The following PARD3B variants were observed in gnomAD, a reference collection of about 807,000 sequenced individuals.
The protein encoded by PARD3B is par-3 family cell polarity regulator beta.
PARD3B carries 103 observed loss-of-function variants against 130.2 expected under a neutral mutation model. The observed-to-expected ratio is 0.79, with a 90% CI of 0.67 to 0.93. The LOEUF is 0.93. Ranked by LOEUF, PARD3B falls within the 40% of genes least tolerant of loss-of-function variation. PARD3B has a pLI of 0.00. For synonymous variants in PARD3B, 583 were observed against 553.2 expected (o/e 1.05, Z -0.76); for missense variants, 1,609 against 1,499.2 (o/e 1.07, Z -1.21).
intron 21 of PARD3B, among the ~76,000 whole-genome samples, chr2:205,542,848 T>C (rs1483895365): frequency 6.6e-6 from 1 of 152,202 alleles, no homozygotes; most frequent in Non-Finnish European, 1.5e-5. Flanking sequence ...ATAGTTTATT[T>C]TTTATTTTGT....
At chr2:204,809,202 A>C (rs1263949653) in intron 2 of PARD3B, among the ~76,000 whole-genome samples, 1 of 152,124 alleles carries the variant, frequency 6.6e-6, no homozygotes, top group African/African-American at 2.4e-5. Flanking sequence ...ATAGTTTGAA[A>C]AAATTTTCTC....
intron 1 of PARD3B, among the ~76,000 whole-genome samples, chr2:204,662,397 ACTTT>A (rs1281527884): frequency 6.6e-6 from 1 of 152,200 alleles, no homozygotes; most frequent in Non-Finnish European, 1.5e-5. Context: ...TAATGGGCTT[ACTTT>A]ATATATTTTC....
At chr2:205,272,326 TC>T (rs2040761961) in intron 16 of PARD3B, among the ~76,000 whole-genome samples, 1 of 152,190 alleles carries the variant, frequency 6.6e-6, no homozygotes, top group Non-Finnish European at 1.5e-5. Context: ...AGATCACCTG[TC>T]CCCTCGTTTC....
intron 20 of PARD3B, 130 bp from the exon 21 acceptor site, chr2:205,499,765 TC>T: frequency 9.2e-7 from 1 of 1,082,516 alleles, no homozygotes; most frequent in Non-Finnish European, 1.3e-6. Context: ...TTCACCATTT[TC>T]CTGGCATATT....
intron 3 of PARD3B, among the ~76,000 whole-genome samples, chr2:204,988,245 A>C (rs1693347367): frequency 6.6e-6 from 1 of 152,216 alleles, no homozygotes. Flanking sequence ...TCCTACATGA[A>C]GAATAAATGG....
At chr2:205,383,109 T>TAGATAGAG (rs1553500322) in intron 18 of PARD3B, among the ~76,000 whole-genome samples, 66 of 144,992 alleles carry the variant, frequency 4.6e-4, no homozygotes, top group Non-Finnish European at 4.6e-5. Context: ...GATAGATAGA[T>TAGATAGAG]AGATAGATAG....
intron 3 of PARD3B, among the ~76,000 whole-genome samples, chr2:204,971,932 A>C (rs753656248): frequency 6.6e-6 from 1 of 151,634 alleles, no homozygotes; most frequent in South Asian, 2.1e-4. Context: ...CAGCCTCCCA[A>C]AGCATGAGCC....
rs2055428873 is a variant in PARD3B, at chr2:205,616,190, CCT to C, written c.*380_*381del. 1 of 188,978 alleles carries C rather than the reference CCT, an allele frequency of 5.3e-6. No homozygotes were observed. Among genetic ancestry groups the C allele is most frequent in the African/African-American group, 2.3e-5 (1 of 42,598 alleles). The allele number at this position is 188,978 out of a possible 1,614,324, so 11.7% of individuals were successfully genotyped here. Reference sequence around the variant, plus strand: ...TGATGTGCAGACACGTGGACATCCCCCTCTGAGACTGGCGGTCCAGAGGCAGT... The same window carrying C: ...TGATGTGCAGACACGTGGACATCCCCCTGAGACTGGCGGTCCAGAGGCAGT... On this transcript the variant is annotated 3_prime_UTR_variant, in exon 23 of 23. Transcript: ENST00000406610.
At chr2:205,080,253 C>T (rs537603652) in intron 4 of PARD3B, among the ~76,000 whole-genome samples, 1 of 152,212 alleles carries the variant, frequency 6.6e-6, no homozygotes, top group South Asian at 2.1e-4. Flanking sequence ...AATATCTACT[C>T]TTGTTTACCT....
At chr2:205,279,677 G>A (rs1408387253) in intron 16 of PARD3B, among the ~76,000 whole-genome samples, 3 of 152,114 alleles carry the variant, frequency 2.0e-5, no homozygotes, top group Admixed American at 6.6e-5. Flanking sequence ...TCACGTCATG[G>A]CATGCAGGAG....
chr2:205,221,388 G>A (rs1157494371), intron 15 of PARD3B, among the ~76,000 whole-genome samples: 2 of 152,288 alleles, frequency 1.3e-5, no homozygotes, highest in African/African-American at 2.4e-5. Flanking sequence ...CAGTTAGTAC[G>A]AAAAACGACT....
intron 2 of PARD3B, among the ~76,000 whole-genome samples, chr2:204,833,373 C>T (rs777547139): frequency 2.0e-5 from 3 of 152,092 alleles, no homozygotes; most frequent in Non-Finnish European, 4.4e-5. Context: ...AGAGCCAGAA[C>T]TCCCTGTAAA....
intron 4 of PARD3B, among the ~76,000 whole-genome samples, chr2:205,063,045 T>C (rs986490907): frequency 8.5e-5 from 13 of 152,048 alleles, no homozygotes; most frequent in Admixed American, 6.6e-4. Flanking sequence ...TATTCAACTT[T>C]AGTCTCTGGT....
rs1295766530 is a variant in PARD3B, at chr2:205,309,656, T to C, written c.2630+7955T>C. Among the ~76,000 whole-genome samples, 1 of 152,058 alleles carries C rather than the reference T, an allele frequency of 6.6e-6. No homozygotes were observed. The highest frequency in any genetic ancestry group is 6.5e-5 in the Admixed American group (1 of 15,270). On this transcript the variant is annotated intron_variant, in intron 18 of 22. Coordinates refer to ENST00000406610, the MANE Select transcript of PARD3B (RefSeq NM_001302769.2). The surrounding 1 kb of genome is among the most constrained non-coding windows in gnomAD (Gnocchi z 4.7). Reference sequence around the variant, plus strand: ...AACACTGAACCTAGTTAAAAATCTGTCCCTTAGAAGCTCTGTGGCCTTCAC... The same window carrying C: ...AACACTGAACCTAGTTAAAAATCTGCCCCTTAGAAGCTCTGTGGCCTTCAC...
At chr2:205,104,807 C>A (rs1040594243) in intron 5 of PARD3B, among the ~76,000 whole-genome samples, 8 of 152,286 alleles carry the variant, frequency 5.3e-5, no homozygotes, top group African/African-American at 1.9e-4. Context: ...ATGAACATTT[C>A]AGAGGTCATT....
At chr2:205,457,712 T>C (rs961384742) in intron 20 of PARD3B, among the ~76,000 whole-genome samples, 2 of 152,152 alleles carry the variant, frequency 1.3e-5, no homozygotes, top group African/African-American at 4.8e-5. Context: ...CTTCTTTTAA[T>C]ATATTAAAGA....
chr2:204,553,585 G>T lies in PARD3B; in HGVS notation c.120+7466G>T, dbSNP rs977259766. Among the ~76,000 whole-genome samples the T allele has an allele frequency of 5.4e-4, 18 of 33,558 alleles. No individual in the cohort carries two copies. In the South Asian group the frequency reaches 6.4e-3, roughly 12 times the overall value. 22.0% of individuals were successfully genotyped at this position (33,558 alleles called of 152,430 possible). ...GTATATATATATATGTATATATAAG[G>T]CTATATACATATATATGTATATATA... is the stretch of plus-strand genomic sequence containing the variant. On this transcript the variant is annotated intron_variant, in intron 1 of 22. Coordinates refer to ENST00000406610, the MANE Select transcript of PARD3B (RefSeq NM_001302769.2).
Position 204,844,874 on chromosome 2 carries a change from A to G in PARD3B, c.223-120278A>G, listed in dbSNP as rs907601370. Among the ~76,000 whole-genome samples the G allele has an allele frequency of 3.3e-5, 5 of 152,124 alleles. No homozygotes were observed. The South Asian group carries it at 1.0e-3, about 31-fold the overall frequency. Reference sequence around the variant, plus strand: ...GACTTTCTCCTTTCATATATTTTTAAATATGAGAAGGCTATTATCTGTTTA... The same window carrying G: ...GACTTTCTCCTTTCATATATTTTTAGATATGAGAAGGCTATTATCTGTTTA... On this transcript the variant is annotated intron_variant, in intron 2 of 22. Transcript: ENST00000406610.
At chr2:204,555,594 G>A (rs1424640451) in intron 1 of PARD3B, among the ~76,000 whole-genome samples, 1 of 152,108 alleles carries the variant, frequency 6.6e-6, no homozygotes, top group Non-Finnish European at 1.5e-5. Flanking sequence ...AGTATATGCT[G>A]AGTTCCTTGA....
Sources: gnomAD v4.1 joint callset for allele counts (sites outside exome capture counted in the v4.1 genomes callset) on GRCh38, gnomAD v4.1.1 for gene constraint, Gnocchi (gnomAD v3.1) non-coding constraint, MANE v1.5 for transcripts, NCBI Gene and HGNC (gene_info 2026-07-23, HGNC 2026-07-21) for gene names.